CPA6: variants seen among roughly 807,000 people sequenced by gnomAD.
CPA6 encodes the protein carboxypeptidase A6, also known as carboxypeptidase B.
In CPA6, 58 loss-of-function variants were observed where a neutral mutation model predicts 63.3. The observed-to-expected ratio is 0.92, with a 90% CI of 0.74 to 1.14. The LOEUF (loss-of-function observed/expected upper bound fraction) is 1.14, where lower values mean the gene tolerates loss of function less well. CPA6 is among the 50% of genes most tolerant of loss of function. The pLI, the probability that CPA6 is intolerant of heterozygous loss-of-function variation, is 0.00. For synonymous variants in CPA6, 185 were observed against 179.0 expected, an observed-to-expected ratio of 1.03 and a Z score of -0.27; for missense variants, 565 against 526.6, an observed-to-expected ratio of 1.07 and a Z score of -0.71.
intron 2 of CPA6, among the ~76,000 whole-genome samples, chr8:67,588,073 G>A (rs983631355): frequency 5.3e-5 from 8 of 152,116 alleles, no homozygotes; most frequent in Admixed American, 1.3e-4. Flanking sequence ...TAACTACTGC[G>A]CCACCTCATA....
chr8:67,591,553 T>C (rs1232311893), intron 2 of CPA6, among the ~76,000 whole-genome samples: 1 of 152,206 alleles, frequency 6.6e-6, no homozygotes, highest in Admixed American at 6.5e-5. Flanking sequence ...GTATCCTCTT[T>C]TATTTCATTG....
At chr8:67,560,489 C>A (rs569296657) in intron 2 of CPA6, among the ~76,000 whole-genome samples, 1 of 152,060 alleles carries the variant, frequency 6.6e-6, no homozygotes, top group Non-Finnish European at 1.5e-5. Flanking sequence ...CACTGGTTCC[C>A]GTGATAGGGA....
chr8:67,425,409 C>T (rs1391392646), intron 10 of CPA6, among the ~76,000 whole-genome samples: 3 of 152,228 alleles, frequency 2.0e-5, no homozygotes, highest in Non-Finnish European at 4.4e-5. Flanking sequence ...GAGTCTCCCT[C>T]TGGCACCCAG....
chr8:67,477,841 C>A (rs1212425221), intron 8 of CPA6, among the ~76,000 whole-genome samples: 1 of 152,222 alleles, frequency 6.6e-6, no homozygotes, highest in African/African-American at 2.4e-5. Context: ...TTTCCCTGAG[C>A]TTACCTTGAA....
chr8:67,691,571 C>T (rs777456645), intron 1 of CPA6, among the ~76,000 whole-genome samples: 5 of 152,144 alleles, frequency 3.3e-5, no homozygotes, highest in African/African-American at 4.8e-5. Context: ...GAGCAGAGCA[C>T]GCCCAGCCCC....
chr8:67,480,805 G>GT (rs1358797119), intron 8 of CPA6, among the ~76,000 whole-genome samples: 1 of 152,086 alleles, frequency 6.6e-6, no homozygotes, highest in East Asian at 1.9e-4. Flanking sequence ...GAATGTCCCA[G>GT]TTTTTTTACA....
intron 1 of CPA6, among the ~76,000 whole-genome samples, chr8:67,733,856 T>C (rs2129003360): frequency 6.9e-6 from 1 of 144,270 alleles, no homozygotes; most frequent in African/African-American, 2.5e-5. Context: ...CTTTTTTTTT[T>C]TTTTTTTTTT....
At chr8:67,534,201 C>T (rs1230615336) in intron 2 of CPA6, among the ~76,000 whole-genome samples, 1 of 152,164 alleles carries the variant, frequency 6.6e-6, no homozygotes, top group Non-Finnish European at 1.5e-5. Flanking sequence ...CTTCAGGGAT[C>T]TCATGAGTAA....
intron 3 of CPA6, 63 bp from the exon 4 acceptor site, chr8:67,511,718 C>A: frequency 4.3e-6 from 4 of 932,504 alleles, no homozygotes; most frequent in East Asian, 2.4e-5. Context: ...TCAGGCAACA[C>A]CCAGAAAAAA....
At chr8:67,653,148 G>A (rs1451703532) in intron 1 of CPA6, among the ~76,000 whole-genome samples, 4 of 151,142 alleles carry the variant, frequency 2.6e-5, no homozygotes, top group Non-Finnish European at 4.5e-5. Flanking sequence ...CTGTAGCCTT[G>A]TAGTATAGTT....
chr8:67,433,048 G>A (rs537522765), intron 9 of CPA6, among the ~76,000 whole-genome samples: 3 of 152,308 alleles, frequency 2.0e-5, no homozygotes, highest in South Asian at 4.1e-4. Context: ...AAGTGGTGTT[G>A]GAGAGGTGGT....
At chr8:67,566,550 A>G (rs990697972) in intron 2 of CPA6, among the ~76,000 whole-genome samples, 4 of 152,200 alleles carry the variant, frequency 2.6e-5, no homozygotes, top group African/African-American at 9.6e-5. Flanking sequence ...GATTTTTAAT[A>G]TCATTTAGAT....
intron 1 of CPA6, among the ~76,000 whole-genome samples, chr8:67,687,985 G>C (rs191345517): frequency 6.6e-6 from 1 of 152,196 alleles, no homozygotes; most frequent in Non-Finnish European, 1.5e-5. Context: ...ACTTGAGCCT[G>C]GGTAACATGG....
At chr8:67,501,621 A>G (rs765382628) in intron 6 of CPA6, among the ~76,000 whole-genome samples, 1 of 152,172 alleles carries the variant, frequency 6.6e-6, no homozygotes, top group Non-Finnish European at 1.5e-5. Flanking sequence ...GCTATGGTAT[A>G]TAATTATTTT....
At chr8:67,587,109 A>G (rs1813960770) in intron 2 of CPA6, among the ~76,000 whole-genome samples, 1 of 152,248 alleles carries the variant, frequency 6.6e-6, no homozygotes, top group African/African-American at 2.4e-5. Flanking sequence ...AAGTCCTTGA[A>G]AGCCTGTGGC....
intron 1 of CPA6, among the ~76,000 whole-genome samples, chr8:67,726,952 C>G (rs1373983717): frequency 6.6e-6 from 1 of 152,180 alleles, no homozygotes; most frequent in South Asian, 2.1e-4. Flanking sequence ...AATTTACTAA[C>G]TTCTGATTCT....
At chr8:67,707,047 T>C (rs933137812) in intron 1 of CPA6, among the ~76,000 whole-genome samples, 2 of 152,244 alleles carry the variant, frequency 1.3e-5, no homozygotes, top group Non-Finnish European at 2.9e-5. Flanking sequence ...TCCTTGTCAA[T>C]TGTTCTTTGA....
At chr8:67,594,500 C>T (rs1441178869) in intron 2 of CPA6, among the ~76,000 whole-genome samples, 2 of 152,198 alleles carry the variant, frequency 1.3e-5, no homozygotes, top group African/African-American at 4.8e-5. Flanking sequence ...GTTCCATTCT[C>T]CCCGTCACTT....
intron 2 of CPA6, among the ~76,000 whole-genome samples, chr8:67,575,842 CAAA>C (rs1220968056): frequency 7.7e-5 from 6 of 77,600 alleles, no homozygotes; most frequent in Non-Finnish European, 7.8e-5. Context: ...ACTCTGTCTC[CAAA>C]AAAAAAAAAA....
Sources: allele counts gnomAD v4.1 joint callset (sites outside exome capture counted in the v4.1 genomes callset), GRCh38; gene constraint gnomAD v4.1.1; transcripts MANE v1.5; gene names NCBI Gene and HGNC (gene_info 2026-07-23, HGNC 2026-07-21).